Variants in PIGA observed in about 807,000 individuals in gnomAD.
PIGA encodes the protein phosphatidylinositol glycan anchor biosynthesis class A.
PIGA carries 3 observed loss-of-function variants against 17.1 expected under a neutral mutation model. The ratio of observed to expected loss-of-function variants is 0.18; its 90% CI spans 0.08 to 0.45. PIGA has a LOEUF of 0.45. Ranked by LOEUF, PIGA falls within the 20% of genes least tolerant of loss-of-function variation. The probability of loss-of-function intolerance (pLI) is 0.99; values close to 1 mark genes in which losing one functional copy is unlikely to be tolerated. For missense variants in PIGA, 231 were observed against 374.1 expected (o/e 0.62, Z 3.16); for synonymous variants, 126 against 135.1 (o/e 0.93, Z 0.47).
rs1233143839 is a variant in PIGA at position 15,321,455 on chromosome X, T to A, written c.*51A>T. On this transcript the variant is annotated 3_prime_UTR_variant, in exon 6 of 6. Coordinates refer to ENST00000333590, the MANE Select transcript of PIGA (RefSeq NM_002641.4). Reference sequence around the variant, plus strand: ...CCAAAAGCAAGGTTATTTTCCATAGTCTTTATAGAACTATTACAAATGTTT... The same window carrying A: ...CCAAAAGCAAGGTTATTTTCCATAGACTTTATAGAACTATTACAAATGTTT... 9.2e-7 allele frequency: 1 copy of A among 1,091,426 alleles called. No homozygotes were observed. Among genetic ancestry groups the A allele is most frequent in the Non-Finnish European group, 1.2e-6 (1 of 801,799 alleles). 89.9% of individuals were successfully genotyped at this position (1,091,426 alleles called of 1,213,427 possible).
chrX:15,327,156 G>A (rs1311276114), intron 2 of PIGA: 2 of 109,055 alleles, frequency 1.8e-5, no homozygotes, highest in South Asian at 4.0e-4. Flanking sequence ...CTACTCCGGA[G>A]GCTGAGGCAG....
chrX:15,322,878 G>T (rs760861409), intron 5 of PIGA, among the ~76,000 whole-genome samples: 29 of 111,965 alleles, frequency 2.6e-4, no homozygotes, highest in African/African-American at 9.1e-4. Context: ...TAAGAAGGAG[G>T]AGTTGAAATG....
In PIGA at chrX:15,335,263, C is replaced by G. The variant is rs762634376; in HGVS notation, c.-63+238G>C. 2.8e-4 allele frequency: 84 copies of G among 300,046 alleles called. 1 individual carries two copies. In the South Asian group the frequency reaches 0.013, roughly 47 times the overall value. The allele number at this position is 300,046 out of a possible 1,213,427, so 24.7% of individuals were successfully genotyped here. A position where few individuals can be genotyped will look rare whatever the true frequency, so the allele number is the denominator to read the frequency against. On this transcript the variant is annotated intron_variant, in intron 1 of 5. Coordinates refer to ENST00000333590, the MANE Select transcript of PIGA (RefSeq NM_002641.4). ...AAAGAGTGGACGTTGGTCTCAGGCC[C>G]GGGGTTCCGGAGACCCCAGTCCCTC... is the stretch of plus-strand genomic sequence containing the variant.
At chrX:15,327,172 T>C (rs1005579850) in intron 2 of PIGA, 1 of 105,935 alleles carries the variant, frequency 9.4e-6, no homozygotes, top group Non-Finnish European at 1.9e-5. Flanking sequence ...GGCAGGAGAA[T>C]GGCGTGAACC....
chrX:15,325,179 A>C, intron 3 of PIGA, 27 bp from the exon 4 acceptor site: 1 of 1,153,968 alleles, frequency 8.7e-7, no homozygotes, highest in Non-Finnish European at 1.2e-6. Flanking sequence ...GAGGGGAAGA[A>C]AGGAGTGAAA....
Position 15,320,835 on chromosome X carries a change from C to T in PIGA, c.*671G>A, listed in dbSNP as rs1602205985. 1 of 111,216 alleles carries T rather than the reference C, an allele frequency of 9.0e-6. No homozygotes were observed. The highest frequency in any genetic ancestry group is 2.8e-4 in the East Asian group (1 of 3,580). The allele number at this position is 111,216 out of a possible 1,213,427, so 9.2% of individuals were successfully genotyped here. ...ATGTTGGATATTGATCTCATATCAACCACAATTATGATGAAGTAAGCCATT... is the reference window on the plus strand; with the variant it reads ...ATGTTGGATATTGATCTCATATCAATCACAATTATGATGAAGTAAGCCATT... On this transcript the variant is annotated 3_prime_UTR_variant, in exon 6 of 6. Coordinates refer to ENST00000333590, the MANE Select transcript of PIGA (RefSeq NM_002641.4).
At chrX:15,333,089 G>C (rs910948550) in intron 1 of PIGA, among the ~76,000 whole-genome samples, 3 of 111,876 alleles carry the variant, frequency 2.7e-5, no homozygotes, top group Non-Finnish European at 5.6e-5. Flanking sequence ...AGGCTCATAG[G>C]TGTGCCCATT....
chrX:15,335,016 G>A (rs981263457), intron 1 of PIGA, among the ~76,000 whole-genome samples: 1 of 112,093 alleles, frequency 8.9e-6, no homozygotes, highest in Admixed American at 9.4e-5. Context: ...ATTAGCAGTA[G>A]AGGTTCCTGA....
At chrX:15,335,298 G>C in intron 1 of PIGA, 4 of 288,239 alleles carry the variant, frequency 1.4e-5, no homozygotes, top group Admixed American at 6.6e-5. Flanking sequence ...CGACCCACCC[G>C]CCTGAGCCAA....
rs201361742 is a variant in PIGA at position 15,321,747 on chromosome X, G to A, written c.1214C>T (p.Ala405Val). ...CAGTCGTTTGTCCATTGGCAACACA[G>A]CTTCCACTGATACCCGGTCATATAC... ...EKVYDRVSVE[A>V]VLPMDKRLDR... The change falls in exon 6 of 6, where the codon GCT (alanine) becomes GTT (valine). Residue 405 changes from alanine to valine, a missense_variant. Ala to Val is a moderately conservative substitution (Grantham distance 64). Around this residue, in one of 5 missense-constraint regions of PIGA, gnomAD observed 88 missense variants for 100.5 expected, o/e 0.88. Coordinates refer to ENST00000333590, the MANE Select transcript of PIGA (RefSeq NM_002641.4). 87 of 1,208,997 alleles carry A rather than the reference G, an allele frequency of 7.2e-5. No homozygotes were observed. In the East Asian group the frequency reaches 2.5e-3, roughly 34 times the overall value.
intron 1 of PIGA, among the ~76,000 whole-genome samples, chrX:15,333,137 G>C (rs757687594): frequency 8.9e-6 from 1 of 111,840 alleles, no homozygotes; most frequent in African/African-American, 3.3e-5. Flanking sequence ...TACAAGAGCA[G>C]AGTAGCTACA....
rs776651457 is a variant in PIGA at position 15,321,542 on chromosome X, T to C, written c.1419A>G (p.Arg473=). 3.3e-6 allele frequency: 4 copies of C among 1,204,221 alleles called. No homozygotes were observed. The highest frequency in any genetic ancestry group is 3.0e-5 in the East Asian group (1 of 33,800). ...CAGATATCTCATTATTCTCACCCCCTCTTTTACTGTGAGAATAGTTATTAG... is the reference window on the plus strand; with the variant it reads ...CAGATATCTCATTATTCTCACCCCCCCTTTTACTGTGAGAATAGTTATTAG... The part of the protein sequence containing the change: ...AWTNNYSHSK[R]GGENNEISET... The change falls in exon 6 of 6, where the codon AGA becomes AGG. Residue 473 remains arginine (R), a synonymous_variant. Transcript: ENST00000333590.
Position 15,319,842 on chromosome X carries a change from A to T in PIGA, c.*1664T>A, listed in dbSNP as rs1342936139. 5 of 112,780 alleles carry T rather than the reference A, an allele frequency of 4.4e-5. 1 individual carries two copies. Among genetic ancestry groups the T allele is most frequent in the Admixed American group, 2.8e-4 (3 of 10,680 alleles). The allele number at this position is 112,780 out of a possible 1,213,427, so 9.3% of individuals were successfully genotyped here. On this transcript the variant is annotated 3_prime_UTR_variant, in exon 6 of 6. Transcript: ENST00000333590. ...CAGTTTAAGAATTAAATGACAATTTAAAAAAATTAAGCAAAAATATAAGGA... is the reference window on the plus strand; with the variant it reads ...CAGTTTAAGAATTAAATGACAATTTTAAAAAATTAAGCAAAAATATAAGGA...
chrX:15,331,766 C>G lies in PIGA; in HGVS notation c.165G>C (p.Gln55His). Residue 55 changes from glutamine (Q) to histidine (H), a missense_variant, in exon 2 of 6, where the codon CAG becomes CAC. Around this residue, in one of 5 missense-constraint regions of PIGA, gnomAD observed 29 missense variants for 36.6 expected, o/e 0.79. Transcript: ENST00000333590. ...CTCTTTCAATCAGGCACTGAGAGAGCTGGTAAATGTGGCTTTCCACGCCTC... is the reference window on the plus strand; with the variant it reads ...CTCTTTCAATCAGGCACTGAGAGAGGTGGTAAATGTGGCTTTCCACGCCTC... ...NMGGVESHIY[Q>H]LSQCLIERGH... 1 of 1,211,839 alleles carries G rather than the reference C, an allele frequency of 8.3e-7. No individual in the cohort carries two copies.
At chrX:15,324,319 T>A (rs1322799720) in intron 5 of PIGA, among the ~76,000 whole-genome samples, 1 of 112,526 alleles carries the variant, frequency 8.9e-6, no homozygotes, top group Non-Finnish European at 1.9e-5. Flanking sequence ...ATAGAGATGT[T>A]TGCTTTAGAA....
chrX:15,332,647 A>G (rs1334827562), intron 1 of PIGA, among the ~76,000 whole-genome samples: 6 of 112,196 alleles, frequency 5.3e-5, no homozygotes, highest in African/African-American at 9.7e-5. Context: ...TAGCCCATAG[A>G]AGGTAGTGAA....
intron 1 of PIGA, among the ~76,000 whole-genome samples, chrX:15,333,839 AG>A (rs1389960125): frequency 3.0e-4 from 34 of 112,220 alleles, no homozygotes; most frequent in Admixed American, 2.8e-4. Context: ...CTAAAGATAA[AG>A]GCTAAACTAG....
Position 15,331,276 on chromosome X carries a change from G to A in PIGA, c.655C>T (p.Pro219Ser). ...GTTATACTATCATGCCTTCTAAATG[G>A]GTCTGGAGTGAAGTCAGTAGGATCT... ...AVDPTDFTPDPFRRHDSITIV... is the reference protein window; with the variant it reads ...AVDPTDFTPDSFRRHDSITIV... Residue 219 changes from proline (P) to serine (S), a missense_variant, in exon 2 of 6, where the codon CCA becomes TCA. Physicochemically the swap from Pro to Ser is moderately conservative, Grantham distance 74 (BLOSUM62 -1). Coordinates refer to ENST00000333590, the MANE Select transcript of PIGA (RefSeq NM_002641.4). The A allele has an allele frequency of 8.3e-7, 1 of 1,204,301 alleles. No homozygotes were observed. Among genetic ancestry groups the A allele is most frequent in the Non-Finnish European group, 1.1e-6 (1 of 888,773 alleles).
chrX:15,333,606 G>A (rs188354710), intron 1 of PIGA, among the ~76,000 whole-genome samples: 20 of 112,077 alleles, frequency 1.8e-4, no homozygotes, highest in African/African-American at 5.8e-4. Context: ...GCTTGAACCC[G>A]GGAGTCCGAA....
Sources: allele counts gnomAD v4.1 joint callset (sites outside exome capture counted in the v4.1 genomes callset), GRCh38; gene constraint gnomAD v4.1.1; regional missense constraint gnomAD v4.1.1; transcripts MANE v1.5; gene names NCBI Gene and HGNC (gene_info 2026-07-23, HGNC 2026-07-21).